RIMS2: variants seen among roughly 807,000 people sequenced by gnomAD.
RIMS2 encodes the protein regulating synaptic membrane exocytosis 2, also known as regulating synaptic membrane exocytosis protein 2.
In RIMS2, 59 loss-of-function variants were observed where a neutral mutation model predicts 174.4. The observed-to-expected ratio is 0.34, with a 90% CI of 0.27 to 0.42. The LOEUF is 0.42. Ranked by LOEUF, RIMS2 falls within the 10% of genes least tolerant of loss-of-function variation. The probability of loss-of-function intolerance (pLI) is 1.00; values close to 1 mark genes in which losing one functional copy is unlikely to be tolerated. For missense variants in RIMS2, 1,620 were observed against 1,666.3 expected (o/e 0.97, Z 0.48); for synonymous variants, 606 against 572.5 (o/e 1.06, Z -0.84).
At chr8:103,828,292 A>G (rs2098804049) in intron 3 of RIMS2, among the ~76,000 whole-genome samples, 2 of 152,194 alleles carry the variant, frequency 1.3e-5, no homozygotes, top group Admixed American at 6.6e-5. Context: ...TATTTGATAG[A>G]ATTCACCAGC....
intron 3 of RIMS2, among the ~76,000 whole-genome samples, chr8:103,814,191 A>C (rs1320192892): frequency 6.6e-6 from 1 of 152,156 alleles, no homozygotes; most frequent in African/African-American, 2.4e-5. Flanking sequence ...AATGGGAGCT[A>C]CATGATGAGA....
chr8:103,611,964 TTTTA>T (rs575916371), intron 1 of RIMS2, among the ~76,000 whole-genome samples: 25,442 of 149,130 alleles, frequency 0.17, 2,137 homozygotes, highest in African/African-American at 0.23. Flanking sequence ...CTTCATTGTT[TTTTA>T]TTTTTTTTCT....
chr8:103,729,581 T>G (rs2138823534), intron 2 of RIMS2, among the ~76,000 whole-genome samples: 1 of 152,298 alleles, frequency 6.6e-6, no homozygotes, highest in East Asian at 1.9e-4. Flanking sequence ...CTGCTATGAT[T>G]TGTGTTATTA....
In RIMS2 at chr8:103,910,542, T is replaced by C; in HGVS notation, c.1692+341T>C. ...CCATAGTGATAAGGTACTGAGATTG[T>C]GGAGCCTGCCTTTTAACCTGCTCAT... On this transcript the variant is annotated intron_variant, in intron 5 of 23. Transcript: ENST00000504942. 1 of 1,531,886 alleles carries C rather than the reference T, an allele frequency of 6.5e-7. No homozygotes were observed. Among genetic ancestry groups the C allele is most frequent in the Non-Finnish European group, 8.9e-7 (1 of 1,120,378 alleles). The allele number at this position is 1,531,886 out of a possible 1,614,324, so 94.9% of individuals were successfully genotyped here.
intron 19 of RIMS2, among the ~76,000 whole-genome samples, chr8:104,196,975 G>A (rs1446360520): frequency 6.6e-6 from 1 of 152,022 alleles, no homozygotes; most frequent in Non-Finnish European, 1.5e-5. Context: ...AACAAAGCTA[G>A]TCATTATCTT....
chr8:103,725,257 G>C (rs2097512816), intron 2 of RIMS2, among the ~76,000 whole-genome samples: 2 of 151,952 alleles, frequency 1.3e-5, no homozygotes, highest in South Asian at 2.1e-4. Flanking sequence ...TACATAATAA[G>C]ATGCACAGAA....
At chr8:103,535,990 A>G (rs1279710661) in intron 1 of RIMS2, among the ~76,000 whole-genome samples, 1 of 152,228 alleles carries the variant, frequency 6.6e-6, no homozygotes, top group Non-Finnish European at 1.5e-5. Flanking sequence ...TCTGTCTTCA[A>G]TACTTGTATT....
intron 19 of RIMS2, among the ~76,000 whole-genome samples, chr8:104,135,304 A>G (rs765240597): frequency 3.9e-5 from 6 of 152,114 alleles, no homozygotes; most frequent in Non-Finnish European, 8.8e-5. Context: ...TTTTTCAAGA[A>G]TGCTGATATG....
intron 19 of RIMS2, among the ~76,000 whole-genome samples, chr8:104,066,833 T>C (rs573994988): frequency 9.8e-4 from 149 of 152,240 alleles, no homozygotes; most frequent in African/African-American, 3.5e-3. Flanking sequence ...TTTTCTGGTA[T>C]TTAGAGGTAA....
chr8:103,693,855 A>G (rs943444037), intron 1 of RIMS2, among the ~76,000 whole-genome samples: 8 of 152,166 alleles, frequency 5.3e-5, no homozygotes, highest in African/African-American at 1.9e-4. Flanking sequence ...ACTTGGGTCC[A>G]CAGAGGCTGA....
chr8:103,695,811 ATCT>A (rs1304318711), intron 1 of RIMS2, among the ~76,000 whole-genome samples: 1 of 151,876 alleles, frequency 6.6e-6, no homozygotes, highest in Non-Finnish European at 1.5e-5. Context: ...CTCAAGAGTA[ATCT>A]TCTCTAATTC....
intron 1 of RIMS2, among the ~76,000 whole-genome samples, chr8:103,533,985 C>G (rs139320488): frequency 3.9e-5 from 6 of 152,258 alleles, no homozygotes. Flanking sequence ...GTCTAGCAGT[C>G]ATAAAATTTT....
intron 2 of RIMS2, among the ~76,000 whole-genome samples, chr8:103,738,774 A>G (rs1285359035): frequency 6.6e-6 from 1 of 152,154 alleles, no homozygotes; most frequent in Non-Finnish European, 1.5e-5. Context: ...AGACACATGA[A>G]AAAATGCTCA....
chr8:103,715,179 T>C (rs1212247628), intron 2 of RIMS2, among the ~76,000 whole-genome samples: 1 of 152,174 alleles, frequency 6.6e-6, no homozygotes, highest in African/African-American at 2.4e-5. Context: ...TTATTGTAAG[T>C]TTCAGGATAC....
chr8:103,563,018 G>C (rs2091837732), intron 1 of RIMS2, among the ~76,000 whole-genome samples: 1 of 152,148 alleles, frequency 6.6e-6, no homozygotes, highest in Non-Finnish European at 1.5e-5. Flanking sequence ...GCACACTGAA[G>C]GGGGACCAAG....
chr8:103,559,381 G>A (rs187944858), intron 1 of RIMS2: 6 of 326,846 alleles, frequency 1.8e-5, no homozygotes, highest in Admixed American at 1.3e-4. Flanking sequence ...TGGTGTCCAC[G>A]GCTGCTTCAC....
At chr8:103,649,478 T>C (rs11998045) in intron 1 of RIMS2, among the ~76,000 whole-genome samples, 4,705 of 152,210 alleles carry the variant, frequency 0.031, 221 homozygotes, top group African/African-American at 0.1. Flanking sequence ...TGGATTTGAA[T>C]GTTGGCCTGT....
At chr8:103,516,767 A>G (rs1050771920) in intron 1 of RIMS2, among the ~76,000 whole-genome samples, 2 of 152,102 alleles carry the variant, frequency 1.3e-5, no homozygotes, top group Non-Finnish European at 2.9e-5. Context: ...TAATAACCCA[A>G]TTGGGACAAA....
intron 1 of RIMS2, among the ~76,000 whole-genome samples, chr8:103,674,372 T>C (rs2096782484): frequency 6.6e-6 from 1 of 152,246 alleles, no homozygotes; most frequent in African/African-American, 2.4e-5. Context: ...TTAATATTGC[T>C]AAAATCTTAT....
Sources: allele counts gnomAD v4.1 joint callset (sites outside exome capture counted in the v4.1 genomes callset), GRCh38; gene constraint gnomAD v4.1.1; transcripts MANE v1.5; gene names NCBI Gene and HGNC (gene_info 2026-07-23, HGNC 2026-07-21).